RPS6KA1: variants seen among roughly 807,000 people sequenced by gnomAD.
The protein encoded by RPS6KA1 is ribosomal protein S6 kinase A1, also known as ribosomal protein S6 kinase alpha-1.
A neutral mutation model predicts 91.3 loss-of-function variants in RPS6KA1; 48 were observed. The observed-to-expected ratio is 0.53, with a 90% CI of 0.42 to 0.67. The LOEUF (loss-of-function observed/expected upper bound fraction) is 0.67, where lower values mean the gene tolerates loss of function less well. RPS6KA1 is among the 30% of genes least tolerant of loss of function. RPS6KA1 has a pLI of 0.00. For synonymous variants in RPS6KA1, 359 were observed against 384.7 expected (o/e 0.93, Z 0.78); for missense variants, 719 against 960.5 (o/e 0.75, Z 3.32).
intron 17 of RPS6KA1, among the ~76,000 whole-genome samples, chr1:26,565,743 G>A (rs1489512861): frequency 6.6e-6 from 1 of 150,998 alleles, no homozygotes; most frequent in Non-Finnish European, 1.5e-5. Context: ...TGTATTTTTA[G>A]TAGAGGCGGG....
intron 1 of RPS6KA1, chr1:26,530,715 C>G (rs1419896959): frequency 7.9e-7 from 1 of 1,271,044 alleles, no homozygotes; most frequent in Non-Finnish European, 1.0e-6. Flanking sequence ...AGCCCAGACT[C>G]CCCAGACAAC....
Position 26,545,974 on chromosome 1 carries a change from C to G in RPS6KA1, c.109-893C>G. 1.2e-6 allele frequency: 2 copies of G among 1,608,134 alleles called. No individual in the cohort carries two copies. The highest frequency in any genetic ancestry group is 1.1e-5 in the South Asian group (1 of 90,212). On this transcript the variant is annotated intron_variant, in intron 2 of 21. Transcript: ENST00000374168. ...CCCTGGCTTCCCAGGAAGCAGCGGCCCAGGATCAGCCAGACCTCTCTGCCT... is the reference window on the plus strand; with the variant it reads ...CCCTGGCTTCCCAGGAAGCAGCGGCGCAGGATCAGCCAGACCTCTCTGCCT...
At chr1:26,546,841 G>A in intron 2 of RPS6KA1, 26 bp from the exon 3 acceptor site, 1 of 1,592,720 alleles carries the variant, frequency 6.3e-7, no homozygotes, top group African/African-American at 1.3e-5. Flanking sequence ...GGCCCACCAT[G>A]CCCACCAGCT....
chr1:26,557,017 T>A lies in RPS6KA1; in HGVS notation c.1001T>A (p.Ile334Asn). 3 of 1,614,060 alleles carry A rather than the reference T, an allele frequency of 1.9e-6. No homozygotes were observed. The highest frequency in any genetic ancestry group is 2.5e-6 in the Non-Finnish European group (3 of 1,179,968). ...IDWNKLYRRE[I>N]KPPFKPAVAQ... Reference sequence around the variant, plus strand: ...GTGCAGAAGCTATACCGTCGTGAGATCAAGCCACCCTTCAAGCCAGCAGTG... The same window carrying A: ...GTGCAGAAGCTATACCGTCGTGAGAACAAGCCACCCTTCAAGCCAGCAGTG... The change falls in exon 13 of 22, where the codon ATC (isoleucine) becomes AAC (asparagine). Residue 334 changes from isoleucine (I) to asparagine (N), a missense_variant. This residue lies in a region of RPS6KA1 where 228 missense variants were observed against 247.6 expected (regional missense o/e 0.92). Transcript: ENST00000374168.
intron 2 of RPS6KA1, among the ~76,000 whole-genome samples, chr1:26,538,948 T>C (rs1342029452): frequency 3.3e-5 from 5 of 152,324 alleles, no homozygotes; most frequent in African/African-American, 1.2e-4. Flanking sequence ...ATGGGCCACT[T>C]TATCCTAATC....
chr1:26,563,577 A>C (rs1483588943), intron 17 of RPS6KA1, among the ~76,000 whole-genome samples: 2 of 152,176 alleles, frequency 1.3e-5, no homozygotes, highest in African/African-American at 4.8e-5. Flanking sequence ...AGTAGATTTC[A>C]AGGGTACATT....
rs571117162 is a variant in RPS6KA1, at chr1:26,554,438, G to A, written c.614-158G>A. ...GAATCCCAGCCCCTCATTGTGTAAC[G>A]TTGAGCAAGTCACCTGACCTCTCTG... On this transcript the variant is annotated intron_variant, in intron 8 of 21. Coordinates refer to ENST00000374168, the MANE Select transcript of RPS6KA1 (RefSeq NM_002953.4). The surrounding 1 kb of genome is among the most constrained non-coding windows in gnomAD (Gnocchi z 4.6). The A allele has an allele frequency of 1.4e-5, 16 of 1,167,172 alleles. No individual in the cohort carries two copies. Among genetic ancestry groups the A allele is most frequent in the East Asian group, 4.8e-5 (2 of 41,968 alleles). 72.3% of individuals were successfully genotyped at this position (1,167,172 alleles called of 1,614,324 possible). A position where few individuals can be genotyped will look rare whatever the true frequency, so the allele number is the denominator to read the frequency against.
rs139078872 is a variant in RPS6KA1, at chr1:26,546,906, G to A, written c.148G>A (p.Val50Ile). ...VLKEISITHH[V>I]KAGSEKADPS... ...CAAGGAGATCTCCATCACGCACCAC[G>A]TCAAGGCTGGCTCTGAGAAGGCTGA... is the stretch of plus-strand genomic sequence containing the variant. The change falls in exon 3 of 22, where the codon GTC becomes ATC. Residue 50 changes from valine to isoleucine, a missense_variant. Transcript: ENST00000374168. The A allele has an allele frequency of 5.0e-6, 8 of 1,614,022 alleles. No individual in the cohort carries two copies. The African/African-American group carries it at 6.7e-5, about 13-fold the overall frequency.
In RPS6KA1 at chr1:26,572,252, C is replaced by T. The variant is rs1019841392; in HGVS notation, c.1906C>T (p.Leu636Phe). 2 of 1,613,966 alleles carry T rather than the reference C, an allele frequency of 1.2e-6. No individual in the cohort carries two copies. The highest frequency in any genetic ancestry group is 1.7e-6 in the Non-Finnish European group (2 of 1,179,968). Residue 636 changes from leucine to phenylalanine, a missense_variant, in exon 20 of 22, where the codon CTC becomes TTC. By Grantham distance (22) the Leu-to-Phe change is conservative (BLOSUM62 0). Transcript: ENST00000374168. Reference sequence around the variant, plus strand: ...CCGGATCGGCAGTGGGAAGTTTACCCTCAGTGGGGGAAATTGGAACACAGT... The same window carrying T: ...CCGGATCGGCAGTGGGAAGTTTACCTTCAGTGGGGGAAATTGGAACACAGT... ...LTRIGSGKFT[L>F]SGGNWNTVSE...
Position 26,529,977 on chromosome 1 carries a change from C to G in RPS6KA1, c.57C>G (p.Asp19Glu). The change falls in exon 1 of 22, where the codon GAC becomes GAG. Residue 19 changes from aspartate (D) to glutamate (E), a missense_variant. By Grantham distance (45) the Asp-to-Glu change is conservative. Around this residue, in one of 5 missense-constraint regions of RPS6KA1, gnomAD observed 57 missense variants for 55.8 expected, o/e 1.02. Coordinates refer to ENST00000374168, the MANE Select transcript of RPS6KA1 (RefSeq NM_002953.4). This position sits in a 1 kb window ranked among gnomAD's most constrained non-coding sequence, Gnocchi z 4.2. ...CGCTCATGGAGCTAGTGCCTCTGGA[C>G]CCGGAGGTGAGTGAGCGGGGCGGGG... Reference protein sequence around the residue: ...PWPLMELVPLDPENGQTSGEE... With the variant: ...PWPLMELVPLEPENGQTSGEE... 3 of 1,409,958 alleles carry G rather than the reference C, an allele frequency of 2.1e-6. 1 individual carries two copies. In the South Asian group the frequency reaches 4.2e-5, roughly 20 times the overall value. The allele number at this position is 1,409,958 out of a possible 1,614,324, so 87.3% of individuals were successfully genotyped here.
At chr1:26,567,956 C>G (rs947164440) in intron 17 of RPS6KA1, among the ~76,000 whole-genome samples, 2 of 152,162 alleles carry the variant, frequency 1.3e-5, no homozygotes, top group Non-Finnish European at 2.9e-5. Context: ...CTGGCCTGCC[C>G]GACTCCTTCC....
chr1:26,569,551 G>A lies in RPS6KA1; in HGVS notation c.1591-1898G>A, dbSNP rs151071147. On this transcript the variant is annotated intron_variant, in intron 17 of 21. Transcript: ENST00000374168. ...TCTTCTCCCTATGGAGGTGGACTGT[G>A]CTGGGCCATGTCTACCTACTCCACG... is the stretch of plus-strand genomic sequence containing the variant. 2.6e-5 allele frequency among the ~76,000 whole-genome samples: 4 copies of A among 152,318 alleles called. No homozygotes were observed. The East Asian group carries it at 7.7e-4, about 29-fold the overall frequency.
rs1182098277 is a variant in RPS6KA1, at chr1:26,557,777, TCCTCC to T, written c.1084+706_1084+710del. On this transcript the variant is annotated intron_variant, in intron 13 of 21. Coordinates refer to ENST00000374168, the MANE Select transcript of RPS6KA1 (RefSeq NM_002953.4). ...TTCTCTCCTCTCCTCCCCTCCCCTC[TCCTCC>T]CCTCCCCTCCCCTCCCCTCCCCTCC... 3.4e-3 allele frequency among the ~76,000 whole-genome samples: 193 copies of T among 56,882 alleles called. 1 individual carries two copies. Among genetic ancestry groups the T allele is most frequent in the East Asian group, 0.015 (10 of 654 alleles). The allele number at this position is 56,882 out of a possible 152,430, so 37.3% of individuals were successfully genotyped here.
chr1:26,559,962 C>T (rs2076139861), intron 14 of RPS6KA1, among the ~76,000 whole-genome samples: 2 of 152,138 alleles, frequency 1.3e-5, no homozygotes. Flanking sequence ...CGTGTTGGCG[C>T]GTGCCTATAG....
chr1:26,562,825 C>CTTTTTTTTTTTT lies in RPS6KA1; in HGVS notation c.1590+1178_1590+1189dup, dbSNP rs748764001. 7.6e-4 allele frequency among the ~76,000 whole-genome samples: 62 copies of CTTTTTTTTTTTT among 81,444 alleles called. 4 individuals are homozygous for CTTTTTTTTTTTT. The highest frequency in any genetic ancestry group is 3.0e-3 in the African/African-American group (59 of 19,742). 53.4% of individuals were successfully genotyped at this position (81,444 alleles called of 152,430 possible). On this transcript the variant is annotated intron_variant, in intron 17 of 21. Transcript: ENST00000374168. ...ATAGACACATTTTTCTCCTATTGTC[C>CTTTTTTTTTTTT]TTTTTTTTTTTTTTTTTTTTTTTTT...
At chr1:26,541,097 A>G (rs746334080) in intron 2 of RPS6KA1, among the ~76,000 whole-genome samples, 2 of 151,842 alleles carry the variant, frequency 1.3e-5, no homozygotes, top group Non-Finnish European at 2.9e-5. Flanking sequence ...GCCCTCTACA[A>G]AAAATTTTTT....
chr1:26,534,597 A>C (rs2075893250), intron 1 of RPS6KA1, among the ~76,000 whole-genome samples: 1 of 152,004 alleles, frequency 6.6e-6, no homozygotes, highest in Non-Finnish European at 1.5e-5. Flanking sequence ...GCCCAATGAT[A>C]AGAATGGCTA....
intron 2 of RPS6KA1, among the ~76,000 whole-genome samples, chr1:26,539,833 C>T (rs564337605): frequency 6.6e-6 from 1 of 152,330 alleles, no homozygotes; most frequent in East Asian, 1.9e-4. Flanking sequence ...ACTGGGCATC[C>T]CAGGCCCCCT....
intron 21 of RPS6KA1, 131 bp from the exon 22 acceptor site, chr1:26,573,948 A>C (rs1031468508): frequency 7.2e-5 from 79 of 1,097,364 alleles, no homozygotes; most frequent in African/African-American, 7.1e-4. Context: ...AAAAAAAAAA[A>C]AACAACAAAA....
Sources: allele counts gnomAD v4.1 joint callset (sites outside exome capture counted in the v4.1 genomes callset), GRCh38; gene constraint gnomAD v4.1.1; regional missense constraint gnomAD v4.1.1; non-coding constraint Gnocchi (gnomAD v3.1); transcripts MANE v1.5; gene names NCBI Gene and HGNC (gene_info 2026-07-23, HGNC 2026-07-21).